The following AGL variants were observed in gnomAD, a reference collection of about 807,000 sequenced individuals.
The protein encoded by AGL is amylo-alpha-1,6-glucosidase and 4-alpha-glucanotransferase.
AGL carries 128 observed loss-of-function variants against 199.3 expected under a neutral mutation model. The observed-to-expected ratio is 0.64, with a 90% CI of 0.56 to 0.74. The LOEUF is 0.74. AGL is among the 30% of genes least tolerant of loss of function. AGL has a pLI of 0.00. For synonymous variants in AGL, 584 were observed against 594.7 expected (o/e 0.98, Z 0.26); for missense variants, 1,809 against 1,820.8 (o/e 0.99, Z 0.12).
intron 26 of AGL, among the ~76,000 whole-genome samples, chr1:99,901,268 C>A (rs1400475023): frequency 6.6e-6 from 1 of 150,622 alleles, no homozygotes; most frequent in Non-Finnish European, 1.5e-5. Flanking sequence ...GAAAAGAAGC[C>A]AGGTGTATGG....
At chr1:99,849,840 T>G (rs1465908547), upstream of AGL, among the ~76,000 whole-genome samples, 1 of 152,142 alleles carries the variant, frequency 6.6e-6, no homozygotes, top group Non-Finnish European at 1.5e-5. Context: ...CAGCAAAAGA[T>G]CCTACTGTGC....
chr1:99,921,389 A>T (rs181207246), intron 33 of AGL, 145 bp from the exon 34 acceptor site: 8 of 664,554 alleles, frequency 1.2e-5, no homozygotes, highest in Admixed American at 2.3e-5. Flanking sequence ...ATTCATTTGT[A>T]TGTCTTTAGG....
intron 2 of AGL, among the ~76,000 whole-genome samples, chr1:99,853,289 TAC>T (rs1158976920): frequency 5.9e-5 from 9 of 152,242 alleles, no homozygotes; most frequent in Non-Finnish European, 1.3e-4. Context: ...CATAGATCTT[TAC>T]AGTTGCCCAA....
intron 12 of AGL, among the ~76,000 whole-genome samples, chr1:99,878,731 A>T (rs1165137418): frequency 6.6e-6 from 1 of 152,156 alleles, no homozygotes; most frequent in Non-Finnish European, 1.5e-5. Context: ...TTAAAGCAGT[A>T]TTATAATATA....
At chr1:99,862,134 G>A (rs1650090748) in intron 3 of AGL, 123 bp from the exon 4 acceptor site, 3 of 1,036,744 alleles carry the variant, frequency 2.9e-6, no homozygotes, top group South Asian at 2.8e-5. Context: ...ATGATTTTAT[G>A]TGCTTAGAAA....
chr1:99,880,759 T>A lies in AGL; in HGVS notation c.1863T>A (p.Phe621Leu). 1 of 1,614,026 alleles carries A rather than the reference T, an allele frequency of 6.2e-7. No homozygotes were observed. Among genetic ancestry groups the A allele is most frequent in the Non-Finnish European group, 8.5e-7 (1 of 1,179,952 alleles). Residue 621 changes from phenylalanine to leucine, a missense_variant, in exon 14 of 34, where the codon TTT becomes TTA. Physicochemically the swap from Phe to Leu is conservative, Grantham distance 22. Coordinates refer to ENST00000361915, the MANE Select transcript of AGL (RefSeq NM_000642.3). ...PLMPAIAHAL[F>L]MDITHDNECP... The stretch of plus-strand genomic sequence containing the variant: ...TGCCAGCTATTGCACATGCCCTGTT[T>A]ATGGATATTACGCATGATAATGAGT...
chr1:99,857,847 A>AGAGGGAGACCGTGGGGAGGGGTAGGG (rs1557743553), intron 2 of AGL, among the ~76,000 whole-genome samples: 1 of 8,226 alleles, frequency 1.2e-4, no homozygotes, highest in African/African-American at 4.8e-4. Context: ...GGGGAGGGGG[A>AGAGGGAGACCGTGGGGAGGGGTAGGG]GGGGGGAAGA....
chr1:99,856,306 T>C (rs71660911), intron 2 of AGL, among the ~76,000 whole-genome samples: 6 of 55,568 alleles, frequency 1.1e-4, no homozygotes, highest in African/African-American at 1.7e-4. Context: ...CTTCCTTCCT[T>C]CCTCCCTCCC....
At chr1:99,918,455 G>A (rs1212384680) in intron 33 of AGL, among the ~76,000 whole-genome samples, 1 of 151,920 alleles carries the variant, frequency 6.6e-6, no homozygotes, top group Non-Finnish European at 1.5e-5. Context: ...TTTATTTTGG[G>A]TCATATCACC....
rs1272589048 is a variant in AGL, at chr1:99,870,785, A to G, written c.874A>G (p.Ile292Val). The change falls in exon 7 of 34, where the codon ATT becomes GTT. Residue 292 changes from isoleucine (I) to valine (V), a missense_variant. Physicochemically the swap from Ile to Val is conservative, Grantham distance 29. Transcript: ENST00000361915. ...NSIRKIIWED[I>V]FPKLKLWEFF... is the part of the protein sequence containing the mutation. ...CATCCGAAAAATAATTTGGGAGGAT[A>G]TTTTTCCAAAGCTTAAACTCTGGGA... 1 of 1,610,012 alleles carries G rather than the reference A, an allele frequency of 6.2e-7. No homozygotes were observed. Among genetic ancestry groups the G allele is most frequent in the Non-Finnish European group, 8.5e-7 (1 of 1,176,620 alleles).
At chr1:99,913,493 G>A in intron 29 of AGL, 34 bp from the exon 30 acceptor site, 6 of 1,518,462 alleles carry the variant, frequency 4.0e-6, no homozygotes, top group Non-Finnish European at 5.5e-6. Context: ...TGTTTTGAAT[G>A]ATTAAAACTA....
At chr1:99,913,873 C>T in intron 30 of AGL, 135 bp downstream of exon 30, 1 of 852,494 alleles carries the variant, frequency 1.2e-6, no homozygotes, top group Non-Finnish European at 1.9e-6. Flanking sequence ...TTTAAATAGT[C>T]TTTCCTAATT....
chr1:99,892,695 T>C (rs527892692), intron 24 of AGL, 88 bp downstream of exon 24: 2 of 1,304,248 alleles, frequency 1.5e-6, no homozygotes, highest in African/African-American at 2.9e-5. Flanking sequence ...TTTTAAAAGC[T>C]TGTAATGCTA....
chr1:99,865,235 C>T (rs1382265009), intron 5 of AGL, among the ~76,000 whole-genome samples: 5 of 151,972 alleles, frequency 3.3e-5, no homozygotes, highest in Non-Finnish European at 2.9e-5. Flanking sequence ...TGGAAGGTAC[C>T]CCTAAGGATA....
intron 24 of AGL, among the ~76,000 whole-genome samples, chr1:99,894,136 T>C (rs1653122947): frequency 6.6e-6 from 1 of 151,464 alleles, no homozygotes; most frequent in African/African-American, 2.4e-5. Flanking sequence ...TGCAGTGAGC[T>C]ATGATCACAC....
intron 7 of AGL, among the ~76,000 whole-genome samples, chr1:99,873,798 A>G (rs1651231897): frequency 6.6e-6 from 1 of 152,158 alleles, no homozygotes; most frequent in Non-Finnish European, 1.5e-5. Flanking sequence ...ATTGATTTGT[A>G]TTTTATGCTG....
chr1:99,852,459 TC>T (rs1302402102), intron 2 of AGL: 1 of 575,632 alleles, frequency 1.7e-6, no homozygotes, highest in East Asian at 2.9e-5. Context: ...TGCCTCAACT[TC>T]CTGGGCTCAA....
At chr1:99,863,960 T>C (rs1355566301) in intron 4 of AGL, among the ~76,000 whole-genome samples, 2 of 152,140 alleles carry the variant, frequency 1.3e-5, no homozygotes, top group Non-Finnish European at 2.9e-5. Context: ...AATTTTCTGC[T>C]TTTAAGTTGG....
rs1363382084 is a variant in AGL, at chr1:99,850,403, T to A, written c.-81T>A. On this transcript the variant is annotated 5_prime_UTR_variant, in exon 1 of 34. Transcript: ENST00000361915. The stretch of plus-strand genomic sequence containing the variant: ...TGCAGTGCCCCAGAAGCCGCACGTA[T>A]AACTCCCTCGGCGTAAGTGCTAGGA... 6.5e-6 allele frequency: 1 copy of A among 152,920 alleles called. No homozygotes were observed. Among genetic ancestry groups the A allele is most frequent in the Admixed American group, 6.5e-5 (1 of 15,338 alleles). 9.5% of individuals were successfully genotyped at this position (152,920 alleles called of 1,614,324 possible). A position where few individuals can be genotyped will look rare whatever the true frequency, so the allele number is the denominator to read the frequency against.
Sources: gnomAD v4.1 joint callset for allele counts (sites outside exome capture counted in the v4.1 genomes callset) on GRCh38, gnomAD v4.1.1 for gene constraint, MANE v1.5 for transcripts, NCBI Gene and HGNC (gene_info 2026-07-23, HGNC 2026-07-21) for gene names.